The following BRCA1 variants were observed in gnomAD, a reference collection of about 807,000 sequenced individuals.
The protein encoded by BRCA1 is breast cancer type 1 susceptibility protein.
Under a neutral mutation model 173.7 loss-of-function variants are expected in BRCA1, and 140 were observed. The ratio of observed to expected loss-of-function variants is 0.81; its 90% CI spans 0.70 to 0.93. The LOEUF (loss-of-function observed/expected upper bound fraction) is 0.93. Ranked by LOEUF, BRCA1 falls within the 40% of genes least tolerant of loss-of-function variation. BRCA1 has a pLI of 0.00. For synonymous variants in BRCA1, 662 were observed against 756.0 expected (o/e 0.88, Z 2.04); for missense variants, 1,983 against 2,172.5 (o/e 0.91, Z 1.73).
chr17:43,130,771 C>T (rs1389118789), intron 1 of BRCA1, among the ~76,000 whole-genome samples: 1 of 152,196 alleles, frequency 6.6e-6, no homozygotes, highest in Non-Finnish European at 1.5e-5. Context: ...AACTGACCTG[C>T]TCACAGTTTT....
At chr17:43,126,181 G>A (rs1398935490), upstream of BRCA1, among the ~76,000 whole-genome samples, 1 of 152,194 alleles carries the variant, frequency 6.6e-6, no homozygotes, top group Non-Finnish European at 1.5e-5. Flanking sequence ...CCATGTCTGC[G>A]CACTCGTAGT....
chr17:43,074,663 G>A, intron 13 of BRCA1, 142 bp from the exon 14 acceptor site: 1 of 752,748 alleles, frequency 1.3e-6, no homozygotes, highest in Non-Finnish European at 2.2e-6. Flanking sequence ...CCGCAAGACA[G>A]CCTAGAAGTC....
chr17:43,091,002 G>C lies in BRCA1; in HGVS notation c.4127C>G (p.Thr1376Arg), dbSNP rs80356986. 1.4e-5 allele frequency: 23 copies of C among 1,612,798 alleles called. No individual in the cohort carries two copies. The highest frequency in any genetic ancestry group is 1.9e-5 in the Non-Finnish European group (22 of 1,179,604). ...GEAASGCESE[T>R]SVSEDCSGLS... is the part of the protein sequence containing the mutation. ...CCCTGAGCAGTCTTCAGAGACGCTT[G>C]TTTCACTCTCACACCCAGATGCTGC... The change falls in exon 11 of 23, where the codon ACA (threonine) becomes AGA (arginine). Residue 1376 changes from threonine (T) to arginine (R), a missense_variant. Coordinates refer to ENST00000357654, the MANE Select transcript of BRCA1 (RefSeq NM_007294.4).
chr17:43,063,777 C>T (rs2051898631), intron 17 of BRCA1, 97 bp downstream of exon 17: 1 of 958,076 alleles, frequency 1.0e-6, no homozygotes, highest in African/African-American at 1.6e-5. Context: ...GTAACTCAGA[C>T]TCAGCATCAG....
rs1491217383 is a variant in BRCA1 at position 43,142,981 on chromosome 17, T to TGC, written c.-19-18867_-19-18866insGC. Among the ~76,000 whole-genome samples, 146 of 148,076 alleles carry TGC rather than the reference T, an allele frequency of 9.9e-4. 1 individual carries two copies. The highest frequency in any genetic ancestry group is 1.9e-3 in the Non-Finnish European group (125 of 67,226). On this transcript the variant is annotated intron_variant, in intron 1 of 7. Transcript: ENST00000634433. ...GTGTGTGTGTGTATATATATGTGTG[T>TGC]ATATATATATGTATATATGTATATA... is the stretch of plus-strand genomic sequence containing the variant.
chr17:43,078,598 A>G (rs2052851650), intron 12 of BRCA1, among the ~76,000 whole-genome samples: 1 of 152,276 alleles, frequency 6.6e-6, no homozygotes, highest in Non-Finnish European at 1.5e-5. Flanking sequence ...AGCCATAAAT[A>G]TAGGTAGAAA....
Position 43,162,890 on chromosome 17 carries a change from G to C in BRCA1, c.-20+7236C>G, listed in dbSNP as rs538513938. ...TCTACTGATGTTTAAGGATAGTCTC[G>C]GAGGTTGGGCCTGCTAGAATAAACT... On this transcript the variant is annotated intron_variant, in intron 1 of 7. Coordinates refer to the BRCA1 transcript ENST00000634433. 3 of 152,288 alleles carry C rather than the reference G, an allele frequency of 2.0e-5. No individual in the cohort carries two copies. The East Asian group carries it at 5.8e-4, about 29-fold the overall frequency. 9.4% of individuals were successfully genotyped at this position (152,288 alleles called of 1,614,324 possible).
At chr17:43,061,427 C>CTTAGTTAGT (rs1567767490) in intron 18 of BRCA1, among the ~76,000 whole-genome samples, 2 of 152,092 alleles carry the variant, frequency 1.3e-5, no homozygotes, top group Non-Finnish European at 2.9e-5. Context: ...CTGAATCCTA[C>CTTAGTTAGT]CAGGGACTTA....
chr17:43,151,726 C>CA (rs1467175618), intron 1 of BRCA1, among the ~76,000 whole-genome samples: 6 of 151,982 alleles, frequency 3.9e-5, no homozygotes, highest in Non-Finnish European at 7.4e-5. Context: ...CCCATCTCTA[C>CA]AAAAAAATGT....
chr17:43,168,202 A>C, intron 1 of BRCA1: 1 of 421,280 alleles, frequency 2.4e-6, no homozygotes, highest in Non-Finnish European at 4.8e-6. Flanking sequence ...TCTGCATAGC[A>C]TTAAGGACAT....
At position 43,100,674 on chromosome 17, in the gene BRCA1, ATATAATATAT is replaced by A. The variant is rs1295501128; in HGVS notation, c.442-804_442-795del. Among the ~76,000 whole-genome samples the A allele has an allele frequency of 2.2e-3, 40 of 18,162 alleles. 1 individual carries two copies. Among genetic ancestry groups the A allele is most frequent in the African/African-American group, 0.015 (37 of 2,526 alleles). The allele number at this position is 18,162 out of a possible 152,430, so 11.9% of individuals were successfully genotyped here. A position where few individuals can be genotyped will look rare whatever the true frequency, so the allele number is the denominator to read the frequency against. ...ATATATAACATATATATATATATAT[ATATAATATAT>A]ATATATATATATATATATGTAATCC... On this transcript the variant is annotated intron_variant, in intron 6 of 22. Transcript: ENST00000357654.
chr17:43,082,778 G>A, intron 11 of BRCA1: 1 of 615,758 alleles, frequency 1.6e-6, no homozygotes, highest in South Asian at 2.1e-5. Flanking sequence ...ATGTTAGTGA[G>A]GGAAAAAATC....
chr17:43,048,692 T>G (rs1429858610), intron 21 of BRCA1, among the ~76,000 whole-genome samples: 2 of 151,606 alleles, frequency 1.3e-5, no homozygotes, highest in African/African-American at 4.8e-5. Flanking sequence ...TTTTTGTTTT[T>G]TTTTTTTTAG....
chr17:43,099,385 C>T (rs2054272351), intron 7 of BRCA1, among the ~76,000 whole-genome samples: 1 of 151,840 alleles, frequency 6.6e-6, no homozygotes, highest in Non-Finnish European at 1.5e-5. Context: ...ATTCTCCTGC[C>T]TCAGCCTCCC....
In BRCA1 at chr17:43,092,094, C is replaced by G. The variant is rs80357247; in HGVS notation, c.3437G>C (p.Cys1146Ser). Reference sequence around the variant, plus strand: ...TAACAGGTCATCAGGTGTCTCAGAACAAACCTGAGATGCATGACTACTTCC... The same window carrying G: ...TAACAGGTCATCAGGTGTCTCAGAAGAAACCTGAGATGCATGACTACTTCC... ...PMGSSHASQV[C>S]SETPDDLLDD... The change falls in exon 10 of 23, where the codon TGT becomes TCT. Residue 1146 changes from cysteine (C) to serine (S), a missense_variant. Transcript: ENST00000357654. 1 of 1,614,030 alleles carries G rather than the reference C, an allele frequency of 6.2e-7. No individual in the cohort carries two copies. Among genetic ancestry groups the G allele is most frequent in the Non-Finnish European group, 8.5e-7 (1 of 1,179,996 alleles).
chr17:43,062,803 C>G (rs918101003), intron 18 of BRCA1, among the ~76,000 whole-genome samples: 1 of 151,704 alleles, frequency 6.6e-6, no homozygotes, highest in Non-Finnish European at 1.5e-5. Context: ...CACCATGTTG[C>G]CCAGGCTGAT....
intron 3 of BRCA1, among the ~76,000 whole-genome samples, chr17:43,114,688 C>T (rs1188858090): frequency 6.6e-6 from 1 of 152,036 alleles, no homozygotes. Context: ...GTATACTTTG[C>T]ATCATATACC....
upstream of BRCA1, among the ~76,000 whole-genome samples, chr17:43,126,414 G>A (rs1018075961): frequency 2.6e-5 from 4 of 152,184 alleles, no homozygotes; most frequent in African/African-American, 9.7e-5. Flanking sequence ...GCAGCGGACG[G>A]TCTTTGCATT....
chr17:43,064,274 T>C (rs2051955477), intron 16 of BRCA1, among the ~76,000 whole-genome samples: 1 of 152,198 alleles, frequency 6.6e-6, no homozygotes, highest in Non-Finnish European at 1.5e-5. Context: ...TTAGGAATTA[T>C]CCATGTCAAT....
Sources: allele counts gnomAD v4.1 joint callset (sites outside exome capture counted in the v4.1 genomes callset), GRCh38; gene constraint gnomAD v4.1.1; transcripts MANE v1.5; gene names NCBI Gene and HGNC (gene_info 2026-07-23, HGNC 2026-07-21).